Variants in OR5H15 observed in about 807,000 individuals in gnomAD.
The protein encoded by OR5H15 is olfactory receptor 5H15.
For synonymous variants in OR5H15, 153 were observed against 129.1 expected, an observed-to-expected ratio of 1.19 and a Z score of -1.26; for missense variants, 405 against 366.1, an observed-to-expected ratio of 1.11 and a Z score of -0.87.
At chr3:98,168,067 T>C (rs1163576445) in intron 1 of OR5H15, among the ~76,000 whole-genome samples, 1 of 152,060 alleles carries the variant, frequency 6.6e-6, no homozygotes, top group Non-Finnish European at 1.5e-5. Flanking sequence ...CCTGAAATAA[T>C]TTCTACATTG....
chr3:98,169,760 C>T lies in OR5H15; in HGVS notation c.*119C>T, dbSNP rs754971283. The T allele has an allele frequency of 1.3e-4, 97 of 725,422 alleles. No individual in the cohort carries two copies. In the South Asian group the frequency reaches 1.4e-3, roughly 11 times the overall value. 44.9% of individuals were successfully genotyped at this position (725,422 alleles called of 1,614,324 possible). A position where few individuals can be genotyped will look rare whatever the true frequency, so the allele number is the denominator to read the frequency against. On this transcript the variant is annotated 3_prime_UTR_variant, in exon 2 of 2. Transcript: ENST00000641450. Reference sequence around the variant, plus strand: ...CTGTCCTAGCACTTTAATGACCTAACATTTTAGTACCTAATAAACTAATTA... The same window carrying T: ...CTGTCCTAGCACTTTAATGACCTAATATTTTAGTACCTAATAAACTAATTA...
In OR5H15 at chr3:98,169,578, A is replaced by C. The variant is rs761452674; in HGVS notation, c.879A>C (p.Arg293Ser). 3.0e-5 allele frequency: 49 copies of C among 1,609,822 alleles called. No individual in the cohort carries two copies. The highest frequency in any genetic ancestry group is 4.0e-5 in the Non-Finnish European group (47 of 1,176,718). Reference sequence around the variant, plus strand: ...TAAATCCTATCATCTACAGTCTGAGAAATAAGCAAGTCATAGTTTCATTCA... The same window carrying C: ...TAAATCCTATCATCTACAGTCTGAGCAATAAGCAAGTCATAGTTTCATTCA... ...PLLNPIIYSL[R>S]NKQVIVSFIK... is the part of the protein sequence containing the mutation. Residue 293 changes from arginine (R) to serine (S), a missense_variant, in exon 2 of 2, where the codon AGA becomes AGC. Transcript: ENST00000641450.
chr3:98,169,034 G>C lies in OR5H15; in HGVS notation c.335G>C (p.Cys112Ser). ...FSIAIGVTTECFLLATMAYDR... is the reference protein window; with the variant it reads ...FSIAIGVTTESFLLATMAYDR... ...ATTGCAATTGGCGTAACCACAGAAT[G>C]TTTTCTCTTGGCAACAATGGCATAT... The change falls in exon 2 of 2, where the codon TGT becomes TCT. Residue 112 changes from cysteine (C) to serine (S), a missense_variant. By Grantham distance (112) the Cys-to-Ser change is moderately radical. Coordinates refer to ENST00000641450, the MANE Select transcript of OR5H15 (RefSeq NM_001005515.2). 1 of 1,613,594 alleles carries C rather than the reference G, an allele frequency of 6.2e-7. No homozygotes were observed. Among genetic ancestry groups the C allele is most frequent in the East Asian group, 2.2e-5 (1 of 44,838 alleles).
In OR5H15 at chr3:98,169,388, C is replaced by G. The variant is rs146688101; in HGVS notation, c.689C>G (p.Ser230Cys). ...CTCTTCACAGTCTTAGAAAAGAAAT[C>G]TGATAAGGGTGTAAGGAAAGCCTTT... ...FVLFTVLEKK[S>C]DKGVRKAFST... The change falls in exon 2 of 2, where the codon TCT becomes TGT. Residue 230 changes from serine to cysteine, a missense_variant. Transcript: ENST00000641450. 1.1e-5 allele frequency: 18 copies of G among 1,613,210 alleles called. No individual in the cohort carries two copies. Among genetic ancestry groups the G allele is most frequent in the Middle Eastern group, 1.6e-4 (1 of 6,078 alleles).
Position 98,169,345 on chromosome 3 carries a change from A to T in OR5H15, c.646A>T (p.Ile216Leu), listed in dbSNP as rs754532116. The part of the protein sequence containing the change: ...IQVFSIVTIL[I>L]SYTFVLFTVL... ...GGTATTCAGCATTGTGACTATTCTTATATCTTACACATTTGTTCTCTTCAC... is the reference window on the plus strand; with the variant it reads ...GGTATTCAGCATTGTGACTATTCTTTTATCTTACACATTTGTTCTCTTCAC... The change falls in exon 2 of 2, where the codon ATA (isoleucine) becomes TTA (leucine). Residue 216 changes from isoleucine (I) to leucine (L), a missense_variant. By Grantham distance (5) the Ile-to-Leu change is conservative (BLOSUM62 2). Transcript: ENST00000641450. 1 of 1,612,868 alleles carries T rather than the reference A, an allele frequency of 6.2e-7. No homozygotes were observed. The highest frequency in any genetic ancestry group is 8.5e-7 in the Non-Finnish European group (1 of 1,179,338).
rs1405655797 is a variant in OR5H15 at position 98,169,694 on chromosome 3, C to A, written c.*53C>A. The A allele has an allele frequency of 3.0e-6, 4 of 1,327,158 alleles. No homozygotes were observed. The highest frequency in any genetic ancestry group is 2.4e-5 in the East Asian group (1 of 41,176). The allele number at this position is 1,327,158 out of a possible 1,614,324, so 82.2% of individuals were successfully genotyped here. A position where few individuals can be genotyped will look rare whatever the true frequency, so the allele number is the denominator to read the frequency against. ...CACAAAATTACGCAAGTTAGAGGTA[C>A]CTATGTTGTTTCCAGTGTTCAAACA... On this transcript the variant is annotated 3_prime_UTR_variant, in exon 2 of 2. Transcript: ENST00000641450.
Sources: gnomAD v4.1 joint callset for allele counts (sites outside exome capture counted in the v4.1 genomes callset) on GRCh38, gnomAD v4.1.1 for gene constraint, MANE v1.5 for transcripts, NCBI Gene and HGNC (gene_info 2026-07-23, HGNC 2026-07-21) for gene names.